The following IGSF10 variants were observed in gnomAD, a reference collection of about 807,000 sequenced individuals.
The protein encoded by IGSF10 is immunoglobulin superfamily member 10.
IGSF10 carries 126 observed loss-of-function variants against 128.2 expected under a neutral mutation model. The observed-to-expected ratio is 0.98, with a 90% CI of 0.85 to 1.14. IGSF10 has a LOEUF of 1.14. IGSF10 is among the 50% of genes most tolerant of loss of function. IGSF10 has a pLI of 0.00. For synonymous variants in IGSF10, 1,185 were observed against 1,146.2 expected, an observed-to-expected ratio of 1.03 and a Z score of -0.68; for missense variants, 3,295 against 3,149.8, an observed-to-expected ratio of 1.05 and a Z score of -1.10.
intron 5 of IGSF10, among the ~76,000 whole-genome samples, chr3:151,452,597 C>T (rs7610769): frequency 0.79 from 119,542 of 151,966 alleles, 47,336 homozygotes; most frequent in Middle Eastern, 0.96. Context: ...TATGTGTGTG[C>T]GCATATGTAT....
rs1349721613 is a variant in IGSF10 at position 151,436,715 on chromosome 3, C to CA, written c.7845dup (p.Ala2616CysfsTer11). The CA allele has an allele frequency of 6.2e-7, 1 of 1,611,728 alleles. No homozygotes were observed. The highest frequency in any genetic ancestry group is 1.3e-5 in the African/African-American group (1 of 74,886). ...CAGATTACTTGAATATACGTTGCTG[C>CA]ATAATCACTACCAAGTGGGTTCTTT... On this transcript the variant is annotated frameshift_variant, in exon 8 of 8. Coordinates refer to ENST00000282466, the MANE Select transcript of IGSF10 (RefSeq NM_178822.5). LOFTEE classifies it high-confidence loss of function.
the IGSF10 span, among the ~76,000 whole-genome samples, chr3:151,573,428 T>C: frequency 2.6e-5 from 4 of 152,344 alleles, no homozygotes; most frequent in South Asian, 6.2e-4. Context: ...TGGGTGCATA[T>C]ATATTTAGGA....
the IGSF10 span, among the ~76,000 whole-genome samples, chr3:151,533,873 C>T: frequency 6.6e-6 from 1 of 152,210 alleles, no homozygotes. Context: ...AGGCGACCTA[C>T]AGAATGGGAG....
chr3:151,438,366 G>T lies in IGSF10; in HGVS notation c.6195C>A (p.Ser2065=). The T allele has an allele frequency of 6.2e-7, 1 of 1,614,146 alleles. No individual in the cohort carries two copies. The highest frequency in any genetic ancestry group is 1.6e-4 in the Middle Eastern group (1 of 6,062). The change falls in exon 8 of 8, where the codon TCC becomes TCA. Residue 2065 remains serine, a synonymous_variant. Transcript: ENST00000282466. ...AACTCCAAGATATCTCTGGCACTGG[G>T]GAGCCGGAAGCTTTGCAATCTACTT... is the stretch of plus-strand genomic sequence containing the variant. The part of the protein sequence containing the change: ...DFQVDCKASG[S]PVPEISWSLP...
In IGSF10 at chr3:151,447,626, T is replaced by C. The variant is rs143462405; in HGVS notation, c.2355A>G (p.Gln785=). 282 of 1,613,944 alleles carry C rather than the reference T, an allele frequency of 1.7e-4. No individual in the cohort carries two copies. The highest frequency in any genetic ancestry group is 4.4e-5 in the South Asian group (4 of 91,070). Reference sequence around the variant, plus strand: ...CTTCTTCACCAGGTATGTTTGGGAGTTGGGTGACCACTGGGGGTGGGCTCA... The same window carrying C: ...CTTCTTCACCAGGTATGTTTGGGAGCTGGGTGACCACTGGGGGTGGGCTCA... The part of the protein sequence containing the change: ...TTVSPPPVVT[Q]LPNIPGEEDD... The change falls in exon 6 of 8, where the codon CAA becomes CAG. Residue 785 remains glutamine (Q), a synonymous_variant. Transcript: ENST00000282466.
At chr3:151,439,380 A>G (rs777416635) in intron 7 of IGSF10, among the ~76,000 whole-genome samples, 31 of 152,172 alleles carry the variant, frequency 2.0e-4, no homozygotes, top group Admixed American at 1.7e-3. Flanking sequence ...TGGGAGGCCA[A>G]TGTGGGCAGA....
In IGSF10 at chr3:151,446,443, A is replaced by G. The variant is rs765328977; in HGVS notation, c.3538T>C (p.Ser1180Pro). 12 of 1,614,142 alleles carry G rather than the reference A, an allele frequency of 7.4e-6. No homozygotes were observed. Among genetic ancestry groups the G allele is most frequent in the Non-Finnish European group, 1.0e-5 (12 of 1,179,986 alleles). The change falls in exon 6 of 8, where the codon TCA becomes CCA. Residue 1180 changes from serine (S) to proline (P), a missense_variant. Transcript: ENST00000282466. ...EAKRDSVITS[S>P]LSGAITKPPM... Reference sequence around the variant, plus strand: ...GGCTTGGTGATAGCACCTGAAAGTGACGATGTAATCACTGAATCTCTTTTA... The same window carrying G: ...GGCTTGGTGATAGCACCTGAAAGTGGCGATGTAATCACTGAATCTCTTTTA...
the IGSF10 span, among the ~76,000 whole-genome samples, chr3:151,571,841 G>A: frequency 6.6e-6 from 1 of 152,280 alleles, no homozygotes; most frequent in African/African-American, 2.4e-5. Flanking sequence ...CATTCAGTAT[G>A]ATATTGGCTG....
At chr3:151,508,847 TTA>T in the IGSF10 span, among the ~76,000 whole-genome samples, 1 of 152,182 alleles carries the variant, frequency 6.6e-6, no homozygotes, top group Non-Finnish European at 1.5e-5. Flanking sequence ...ATGAACGTTA[TTA>T]TATATGTTTC....
downstream of IGSF10, chr3:151,435,984 G>A (rs1349834308): frequency 6.6e-6 from 1 of 152,152 alleles, no homozygotes; most frequent in Non-Finnish European, 1.5e-5. Context: ...TTATAAAGAA[G>A]TTTCATTGTA....
At chr3:151,565,100 T>G in the IGSF10 span, among the ~76,000 whole-genome samples, 1 of 152,180 alleles carries the variant, frequency 6.6e-6, no homozygotes, top group African/African-American at 2.4e-5. Context: ...CTATACTTTC[T>G]CTCTAAAAAC....
chr3:151,513,199 T>C, the IGSF10 span, among the ~76,000 whole-genome samples: 578 of 152,200 alleles, frequency 3.8e-3, 2 homozygotes, highest in African/African-American at 0.013. Flanking sequence ...TGATGAACAC[T>C]GATGTAAAAA....
At chr3:151,595,746 A>C in the IGSF10 span, among the ~76,000 whole-genome samples, 1 of 150,140 alleles carries the variant, frequency 6.7e-6, no homozygotes. Flanking sequence ...AAAAAGGTGA[A>C]GTACATAGAA....
the IGSF10 span, among the ~76,000 whole-genome samples, chr3:151,571,314 C>T: frequency 0.029 from 4,382 of 152,204 alleles, 89 homozygotes; most frequent in Admixed American, 0.051. Flanking sequence ...CTATAAATTA[C>T]CTTGGACAGT....
chr3:151,601,881 A>G, the IGSF10 span, among the ~76,000 whole-genome samples: 1 of 152,226 alleles, frequency 6.6e-6, no homozygotes, highest in Non-Finnish European at 1.5e-5. Flanking sequence ...TGGGGCAGTT[A>G]GTGACAACCT....
the IGSF10 span, among the ~76,000 whole-genome samples, chr3:151,517,970 T>C: frequency 6.6e-5 from 10 of 151,966 alleles, no homozygotes; most frequent in Admixed American, 6.6e-5. Context: ...TGTTATTTCC[T>C]AGTGGGTTTC....
chr3:151,483,347 T>C, the IGSF10 span, among the ~76,000 whole-genome samples: 1 of 152,214 alleles, frequency 6.6e-6, no homozygotes, highest in Non-Finnish European at 1.5e-5. Flanking sequence ...ACAGAGTTAT[T>C]TTTAGCTTAA....
the IGSF10 span, among the ~76,000 whole-genome samples, chr3:151,466,783 T>C: frequency 6.6e-6 from 1 of 152,116 alleles, no homozygotes; most frequent in Admixed American, 6.5e-5. Flanking sequence ...TTCACCATGT[T>C]GGTCAGGCTA....
At chr3:151,479,894 A>G in the IGSF10 span, among the ~76,000 whole-genome samples, 1,073 of 152,234 alleles carry the variant, frequency 7.0e-3, 9 homozygotes, top group Middle Eastern at 0.027. Context: ...ATAGAAACTT[A>G]TTATCATGAA....
Sources: allele counts gnomAD v4.1 joint callset (sites outside exome capture counted in the v4.1 genomes callset), GRCh38; gene constraint gnomAD v4.1.1; transcripts MANE v1.5; gene names NCBI Gene and HGNC (gene_info 2026-07-23, HGNC 2026-07-21).